GUCY1A2: variants seen among roughly 807,000 people sequenced by gnomAD.
The protein encoded by GUCY1A2 is guanylate cyclase 1 soluble subunit alpha 2.
In GUCY1A2, 27 loss-of-function variants were observed where a neutral mutation model predicts 63.5. That is an observed-to-expected ratio of 0.43 (90% CI 0.31 to 0.59). GUCY1A2 has a LOEUF of 0.59. Among genes scored for constraint, GUCY1A2 ranks in the 20% least tolerant of loss-of-function variants. The pLI is 0.11. For synonymous variants in GUCY1A2, 364 were observed against 343.5 expected, an observed-to-expected ratio of 1.06 and a Z score of -0.66; for missense variants, 768 against 913.3, an observed-to-expected ratio of 0.84 and a Z score of 2.05.
chr11:106,703,533 G>T (rs531990427), intron 7 of GUCY1A2, among the ~76,000 whole-genome samples: 4 of 106,024 alleles, frequency 3.8e-5, no homozygotes, highest in Non-Finnish European at 6.9e-5. Context: ...GATGATGGAA[G>T]AAGAAGGTTC....
chr11:106,836,421 G>T, intron 4 of GUCY1A2, among the ~76,000 whole-genome samples: 1 of 151,940 alleles, frequency 6.6e-6, no homozygotes, highest in East Asian at 1.9e-4. Flanking sequence ...AGTTTACATT[G>T]TCTGTTTACA....
At chr11:106,925,157 A>G (rs368645100) in intron 4 of GUCY1A2, among the ~76,000 whole-genome samples, 3 of 151,446 alleles carry the variant, frequency 2.0e-5, no homozygotes, top group East Asian at 3.9e-4. Flanking sequence ...AAGTTTTCAA[A>G]AGAGAGAGAG....
At chr11:107,014,605 G>A (rs1001922770) in intron 1 of GUCY1A2, among the ~76,000 whole-genome samples, 6 of 151,842 alleles carry the variant, frequency 4.0e-5, no homozygotes, top group African/African-American at 7.3e-5. Flanking sequence ...ACTCAACATC[G>A]GTGCATCTTA....
chr11:106,832,388 T>C (rs938576622), intron 4 of GUCY1A2, among the ~76,000 whole-genome samples: 1 of 152,174 alleles, frequency 6.6e-6, no homozygotes, highest in Non-Finnish European at 1.5e-5. Flanking sequence ...CTTTATTTCT[T>C]TTTGATGTTT....
At chr11:106,830,253 A>G (rs1270680992) in intron 4 of GUCY1A2, among the ~76,000 whole-genome samples, 2 of 152,158 alleles carry the variant, frequency 1.3e-5, no homozygotes, top group Non-Finnish European at 2.9e-5. Flanking sequence ...TACAAAGGAT[A>G]GTTGTATTAT....
At chr11:106,984,741 TC>T (rs1861380377) in intron 2 of GUCY1A2, among the ~76,000 whole-genome samples, 1 of 152,188 alleles carries the variant, frequency 6.6e-6, no homozygotes, top group South Asian at 2.1e-4. Context: ...ACTAATTTAA[TC>T]CAAACACCAT....
chr11:106,828,944 C>G (rs1042871710), intron 4 of GUCY1A2, among the ~76,000 whole-genome samples: 1 of 152,164 alleles, frequency 6.6e-6, no homozygotes, highest in Non-Finnish European at 1.5e-5. Context: ...CTCCAACATT[C>G]GTGAAAACAT....
At chr11:106,928,186 T>G (rs1282983592) in intron 4 of GUCY1A2, among the ~76,000 whole-genome samples, 1 of 152,196 alleles carries the variant, frequency 6.6e-6, no homozygotes, top group Non-Finnish European at 1.5e-5. Context: ...AGAGATTCCC[T>G]CACACCTCTT....
intron 4 of GUCY1A2, among the ~76,000 whole-genome samples, chr11:106,887,758 T>A (rs997396025): frequency 6.6e-6 from 1 of 152,166 alleles, no homozygotes; most frequent in African/African-American, 2.4e-5. Flanking sequence ...ATAGGAGCCT[T>A]TGACAGAGAT....
chr11:106,923,524 C>A (rs928021962), intron 4 of GUCY1A2, among the ~76,000 whole-genome samples: 1 of 152,182 alleles, frequency 6.6e-6, no homozygotes, highest in Admixed American at 6.5e-5. Flanking sequence ...AATCACACAT[C>A]CCCGTAAACA....
intron 3 of GUCY1A2, among the ~76,000 whole-genome samples, chr11:106,976,322 C>A (rs112975407): frequency 7.2e-5 from 11 of 152,114 alleles, no homozygotes; most frequent in Non-Finnish European, 1.2e-4. Context: ...GTGCCACCCC[C>A]CAACAACCTC....
chr11:106,912,483 G>A (rs1860308901), intron 4 of GUCY1A2, among the ~76,000 whole-genome samples: 1 of 152,002 alleles, frequency 6.6e-6, no homozygotes, highest in Non-Finnish European at 1.5e-5. Flanking sequence ...ACCAAATAAA[G>A]TGCTACGAGG....
intron 6 of GUCY1A2, among the ~76,000 whole-genome samples, chr11:106,754,947 T>C (rs1453457361): frequency 2.0e-5 from 3 of 152,152 alleles, no homozygotes; most frequent in Non-Finnish European, 4.4e-5. Context: ...CTCCTCTTTG[T>C]CCTCTGGTAA....
chr11:106,883,520 G>A (rs1591313284), intron 4 of GUCY1A2, among the ~76,000 whole-genome samples: 1 of 152,226 alleles, frequency 6.6e-6, no homozygotes, highest in East Asian at 1.9e-4. Context: ...TGTGTAGGAA[G>A]AAGAGCTAGA....
At chr11:106,937,069 T>A (rs897192124) in intron 4 of GUCY1A2, among the ~76,000 whole-genome samples, 1 of 152,176 alleles carries the variant, frequency 6.6e-6, no homozygotes, top group African/African-American at 2.4e-5. Flanking sequence ...TAAGACTGTA[T>A]GTGACAACTT....
chr11:106,678,128 A>G lies in GUCY1A2; in HGVS notation c.*9421T>C, dbSNP rs1862375909. ...GAACAAAAATTAAAGAATTTTTCTAAAAGTCCCCCTGAATTACTTTAGATA... is the reference window on the plus strand; with the variant it reads ...GAACAAAAATTAAAGAATTTTTCTAGAAGTCCCCCTGAATTACTTTAGATA... On this transcript the variant is annotated 3_prime_UTR_variant, in exon 8 of 8. Transcript: ENST00000526355. The G allele has an allele frequency of 1.5e-5, 3 of 198,016 alleles. No individual in the cohort carries two copies. The South Asian group carries it at 5.7e-4, about 38-fold the overall frequency. The allele number at this position is 198,016 out of a possible 1,614,324, so 12.3% of individuals were successfully genotyped here.
At chr11:106,821,338 C>A (rs1353252822) in intron 4 of GUCY1A2, among the ~76,000 whole-genome samples, 1 of 152,266 alleles carries the variant, frequency 6.6e-6, no homozygotes, top group South Asian at 2.1e-4. Flanking sequence ...AAACAAACTG[C>A]CTTTTTTCCC....
intron 6 of GUCY1A2, among the ~76,000 whole-genome samples, chr11:106,741,891 A>G (rs1863700887): frequency 6.6e-6 from 1 of 152,220 alleles, no homozygotes; most frequent in Non-Finnish European, 1.5e-5. Flanking sequence ...TACTTCATGA[A>G]TTTGACTTGC....
chr11:107,000,566 T>C (rs534125569), intron 1 of GUCY1A2, among the ~76,000 whole-genome samples: 2 of 152,342 alleles, frequency 1.3e-5, no homozygotes, highest in Admixed American at 6.5e-5. Flanking sequence ...AGATTTCTAT[T>C]ATGTGATACT....
Sources: gnomAD v4.1 joint callset for allele counts (sites outside exome capture counted in the v4.1 genomes callset) on GRCh38, gnomAD v4.1.1 for gene constraint, MANE v1.5 for transcripts, NCBI Gene and HGNC (gene_info 2026-07-23, HGNC 2026-07-21) for gene names.